The following MBD5 variants were observed in gnomAD, a reference collection of about 807,000 sequenced individuals.
MBD5 encodes methyl-CpG binding domain protein 5, also known as methyl-CpG-binding domain protein 5.
Under a neutral mutation model 117.3 loss-of-function variants are expected in MBD5, and 13 were observed. That is an observed-to-expected ratio of 0.11 (90% CI 0.07 to 0.18). The LOEUF is 0.18. Among genes scored for constraint, MBD5 ranks in the 10% least tolerant of loss-of-function variants. MBD5 has a pLI of 1.00. For missense variants in MBD5, 1,879 were observed against 2,093.8 expected (o/e 0.90, Z 2.00); for synonymous variants, 727 against 766.4 (o/e 0.95, Z 0.85).
At chr2:148,039,806 T>G (rs148146876) in intron 1 of MBD5, among the ~76,000 whole-genome samples, 1 of 148,474 alleles carries the variant, frequency 6.7e-6, no homozygotes, top group Non-Finnish European at 1.5e-5. Context: ...CATTATCTGG[T>G]GAGTATCAGT....
chr2:148,440,786 A>G (rs2105395607), intron 4 of MBD5, among the ~76,000 whole-genome samples: 1 of 152,354 alleles, frequency 6.6e-6, no homozygotes, highest in South Asian at 2.1e-4. Context: ...AAGAGGAATA[A>G]ACAGGTAACT....
At chr2:148,151,264 A>C (rs965427832) in intron 1 of MBD5, among the ~76,000 whole-genome samples, 1 of 151,926 alleles carries the variant, frequency 6.6e-6, no homozygotes, top group Admixed American at 6.6e-5. Context: ...GCATATATTG[A>C]ACCAGCCTTG....
At chr2:148,216,586 T>C (rs926917903) in intron 2 of MBD5, among the ~76,000 whole-genome samples, 1 of 152,224 alleles carries the variant, frequency 6.6e-6, no homozygotes, top group African/African-American at 2.4e-5. Context: ...GCTACTTATA[T>C]AAAGACAGTG....
chr2:148,107,129 A>G lies in MBD5; in HGVS notation c.-924-71571A>G, dbSNP rs1249400169. Among the ~76,000 whole-genome samples, 3 of 152,030 alleles carry G rather than the reference A, an allele frequency of 2.0e-5. No individual in the cohort carries two copies. The East Asian group carries it at 5.8e-4, about 29-fold the overall frequency. ...CCTCTCAATCCTTATTTATCTCCAAATGACCTTATTTCACTGTGATTCTTA... is the reference window on the plus strand; with the variant it reads ...CCTCTCAATCCTTATTTATCTCCAAGTGACCTTATTTCACTGTGATTCTTA... On this transcript the variant is annotated intron_variant, in intron 1 of 13. Coordinates refer to ENST00000642680, the MANE Select transcript of MBD5 (RefSeq NM_001378120.1).
intron 1 of MBD5, among the ~76,000 whole-genome samples, chr2:148,170,119 G>T (rs1291258458): frequency 1.3e-5 from 2 of 152,068 alleles, no homozygotes; most frequent in African/African-American, 4.8e-5. Context: ...GGATGGTCTC[G>T]ATCTCCTGAC....
chr2:148,346,314 C>G (rs528863119), intron 4 of MBD5: 5 of 151,968 alleles, frequency 3.3e-5, no homozygotes, highest in African/African-American at 1.2e-4. Flanking sequence ...CTTACACAAA[C>G]ACAAATAACA....
chr2:148,090,836 C>T (rs1695923291), intron 1 of MBD5, among the ~76,000 whole-genome samples: 1 of 152,018 alleles, frequency 6.6e-6, no homozygotes, highest in Admixed American at 6.6e-5. Context: ...GAATCAGACC[C>T]ATAACAATCA....
At chr2:148,426,927 T>C (rs1705811165) in intron 4 of MBD5, among the ~76,000 whole-genome samples, 1 of 152,056 alleles carries the variant, frequency 6.6e-6, no homozygotes, top group Non-Finnish European at 1.5e-5. Context: ...ATATCCAGAA[T>C]CTACCATGAA....
At chr2:148,428,822 T>C (rs1478860650) in intron 4 of MBD5, among the ~76,000 whole-genome samples, 2 of 152,162 alleles carry the variant, frequency 1.3e-5, no homozygotes, top group East Asian at 3.8e-4. Flanking sequence ...ACCCCTTCCT[T>C]ATACCTTATG....
At position 148,490,189 on chromosome 2, in the gene MBD5, A is replaced by G. The variant is rs1681478303; in HGVS notation, c.4557A>G (p.Arg1519=). The part of the protein sequence containing the change: ...FKERLENTVE[R]CAHINGNRPR... ...AGAGACTAGAGAACACTGTGGAAAG[A>G]TGTGCACACATAAATGGGAATAGAC... The change falls in exon 11 of 14, where the codon AGA becomes AGG. Residue 1519 remains arginine (R), a synonymous_variant. Transcript: ENST00000642680. The G allele has an allele frequency of 1.9e-6, 3 of 1,614,204 alleles. No individual in the cohort carries two copies. Among genetic ancestry groups the G allele is most frequent in the Non-Finnish European group, 8.5e-7 (1 of 1,180,038 alleles).
intron 1 of MBD5, among the ~76,000 whole-genome samples, chr2:148,114,486 A>T (rs1696579158): frequency 6.6e-6 from 1 of 152,166 alleles, no homozygotes; most frequent in Admixed American, 6.5e-5. Context: ...AAACCAGAGT[A>T]TTCCAATTTT....
chr2:148,029,869 C>T (rs926189000), intron 1 of MBD5, among the ~76,000 whole-genome samples: 1 of 152,096 alleles, frequency 6.6e-6, no homozygotes, highest in Non-Finnish European at 1.5e-5. Context: ...GTATAAGTAA[C>T]AGATCATTTA....
intron 1 of MBD5, among the ~76,000 whole-genome samples, chr2:148,159,006 A>G (rs553034675): frequency 1.1e-3 from 168 of 151,972 alleles, no homozygotes; most frequent in Admixed American, 9.8e-4. Flanking sequence ...ACAGGCGTGA[A>G]CCACCGTGCC....
chr2:148,360,854 T>G (rs1195452867), intron 4 of MBD5, among the ~76,000 whole-genome samples: 2 of 152,206 alleles, frequency 1.3e-5, no homozygotes, highest in African/African-American at 4.8e-5. Context: ...AAATAATGTT[T>G]TTATATTTCA....
intron 4 of MBD5, among the ~76,000 whole-genome samples, chr2:148,363,698 T>C (rs7607930): frequency 0.5 from 76,183 of 151,856 alleles, 19,402 homozygotes; most frequent in East Asian, 0.75. Flanking sequence ...TCATGAAGCA[T>C]ACACAAGTAT....
At chr2:148,129,942 A>G (rs908907412) in intron 1 of MBD5, among the ~76,000 whole-genome samples, 3 of 152,220 alleles carry the variant, frequency 2.0e-5, no homozygotes, top group Non-Finnish European at 4.4e-5. Flanking sequence ...CTCCCTAAAT[A>G]ACATCATCAA....
At chr2:148,195,447 A>C (rs1698959161) in intron 2 of MBD5, among the ~76,000 whole-genome samples, 2 of 152,166 alleles carry the variant, frequency 1.3e-5, no homozygotes, top group South Asian at 4.1e-4. Flanking sequence ...ACAATTCCAC[A>C]ATTATAGTTA....
intron 3 of MBD5, among the ~76,000 whole-genome samples, chr2:148,309,490 C>G (rs1701976022): frequency 6.6e-6 from 1 of 152,044 alleles, no homozygotes. Flanking sequence ...TGCATGTTGA[C>G]TTTGTATCCT....
At chr2:148,101,137 T>G (rs1696205571) in intron 1 of MBD5, among the ~76,000 whole-genome samples, 1 of 152,122 alleles carries the variant, frequency 6.6e-6, no homozygotes, top group South Asian at 2.1e-4. Flanking sequence ...TCTTAATATT[T>G]GCAAAAACGG....
Sources: gnomAD v4.1 joint callset for allele counts (sites outside exome capture counted in the v4.1 genomes callset) on GRCh38, gnomAD v4.1.1 for gene constraint, MANE v1.5 for transcripts, NCBI Gene and HGNC (gene_info 2026-07-23, HGNC 2026-07-21) for gene names.